ATPAF1: variants seen among roughly 807,000 people sequenced by gnomAD.
ATPAF1 encodes homolog of yeast ATP11.
In ATPAF1, 26 loss-of-function variants were observed where a neutral mutation model predicts 43.9. That is an observed-to-expected ratio of 0.59 (90% CI 0.43 to 0.82). ATPAF1 has a LOEUF of 0.82. Ranked by LOEUF, ATPAF1 falls within the 40% of genes least tolerant of loss-of-function variation. The probability of loss-of-function intolerance (pLI) is 0.00; values close to 1 mark genes in which losing one functional copy is unlikely to be tolerated. For missense variants in ATPAF1, 366 were observed against 435.0 expected (o/e 0.84, Z 1.41); for synonymous variants, 157 against 168.0 (o/e 0.93, Z 0.50).
intron 2 of ATPAF1, among the ~76,000 whole-genome samples, chr1:46,661,844 T>C (rs992963884): frequency 1.3e-5 from 2 of 152,106 alleles, no homozygotes; most frequent in African/African-American, 4.8e-5. Flanking sequence ...GCTGCCACAA[T>C]TTAAATTAAA....
intron 6 of ATPAF1, among the ~76,000 whole-genome samples, chr1:46,651,736 G>A (rs970955675): frequency 6.6e-5 from 10 of 152,046 alleles, no homozygotes; most frequent in African/African-American, 1.2e-4. Flanking sequence ...CCATCAGAGT[G>A]AACAGGCAAC....
At position 46,659,967 on chromosome 1, in the gene ATPAF1, TTTTC is replaced by T. The variant is rs536041404; in HGVS notation, c.376-1234_376-1231del. On this transcript the variant is annotated intron_variant, in intron 2 of 8. Coordinates refer to ENST00000574428, the Ensembl canonical transcript of ATPAF1. ...ACCATCTAAAAAGGAGTTAATTTCATTTTCTTTCTTTCTTTTTTTTTTTTTTTGA... is the reference window on the plus strand; with the variant it reads ...ACCATCTAAAAAGGAGTTAATTTCATTTTCTTTCTTTTTTTTTTTTTTTGA... Among the ~76,000 whole-genome samples the T allele has an allele frequency of 8.3e-3, 1,238 of 149,794 alleles. 10 individuals are homozygous for T. Among genetic ancestry groups the T allele is most frequent in the Non-Finnish European group, 9.7e-3 (655 of 67,408 alleles).
chr1:46,665,689 C>G lies in ATPAF1; in HGVS notation c.267-325G>C, dbSNP rs1037069774. ...TTTTGAGGTCATCTTGCTGGATCAC[C>G]TCTTCAGACAAGAATCCTATAGCCT... On this transcript the variant is annotated intron_variant, in intron 1 of 8. Transcript: ENST00000574428. The G allele has an allele frequency of 8.5e-6, 13 of 1,535,326 alleles. No homozygotes were observed. The African/African-American group carries it at 1.5e-4, about 18-fold the overall frequency.
chr1:46,652,761 C>G lies in ATPAF1; in HGVS notation c.541-133G>C, dbSNP rs2148821206. On this transcript the variant is annotated intron_variant, in intron 5 of 8. Coordinates refer to ENST00000574428, the Ensembl canonical transcript of ATPAF1. ...ACAGTCATTTAAGTTTCATCATTTT[C>G]AAATCACTCTTATGACAGAAAGACA... is the stretch of plus-strand genomic sequence containing the variant. The G allele has an allele frequency of 6.4e-6, 5 of 778,604 alleles. No individual in the cohort carries two copies. In the South Asian group the frequency reaches 9.0e-5, roughly 14 times the overall value. 48.2% of individuals were successfully genotyped at this position (778,604 alleles called of 1,614,324 possible).
intron 1 of ATPAF1, 33 bp from the exon 2 acceptor site, chr1:46,665,397 T>G: frequency 6.3e-7 from 1 of 1,591,072 alleles, no homozygotes; most frequent in Non-Finnish European, 8.6e-7. Flanking sequence ...GTAAACCAAC[T>G]GGGCCTTTTT....
At chr1:46,639,918 A>G (rs1335883204) in intron 8 of ATPAF1, among the ~76,000 whole-genome samples, 1 of 152,240 alleles carries the variant, frequency 6.6e-6, no homozygotes, top group African/African-American at 2.4e-5. Context: ...AAAAATGGCA[A>G]ACAGCAGAAT....
chr1:46,668,470 A>AGGCGG, upstream of ATPAF1: 6 of 730,168 alleles, frequency 8.2e-6, no homozygotes, highest in South Asian at 6.4e-5. The surrounding 1 kb of genome is among the most constrained non-coding windows in gnomAD (Gnocchi z 4.4). Context: ...GATAGCGGCG[A>AGGCGG]GGCGGGGCGG....
At chr1:46,636,078 A>C in intron 8 of ATPAF1, 108 bp from the exon 9 acceptor site, 1 of 1,283,538 alleles carries the variant, frequency 7.8e-7, no homozygotes, top group Non-Finnish European at 1.1e-6. Flanking sequence ...CCACTTCCAG[A>C]AAGTTTCCTT....
chr1:46,658,798 G>T, intron 2 of ATPAF1, 61 bp from the exon 3 acceptor site: 1 of 1,202,134 alleles, frequency 8.3e-7, no homozygotes. Flanking sequence ...AGGTAACTAA[G>T]CTAGGTGAAG....
At chr1:46,645,738 G>A (rs1676031727) in intron 6 of ATPAF1, among the ~76,000 whole-genome samples, 1 of 152,204 alleles carries the variant, frequency 6.6e-6, no homozygotes, top group Non-Finnish European at 1.5e-5. Context: ...ACCTAAGAAA[G>A]CATCAGAAAT....
intron 2 of ATPAF1, chr1:46,664,811 C>T (rs773667753): frequency 9.2e-5 from 15 of 162,214 alleles, no homozygotes; most frequent in South Asian, 1.8e-4. Context: ...GAAGACCATA[C>T]GGCCCACAAT....
chr1:46,645,199 C>T, exon 7 of ATPAF1: 1 of 1,614,050 alleles, frequency 6.2e-7, no homozygotes, highest in Non-Finnish European at 8.5e-7. Flanking sequence ...AGTTCAGTAC[C>T]TGTCCATTGT....
At chr1:46,659,831 T>C (rs780311695) in intron 2 of ATPAF1, among the ~76,000 whole-genome samples, 11 of 152,234 alleles carry the variant, frequency 7.2e-5, no homozygotes, top group African/African-American at 1.4e-4. Flanking sequence ...ATGATGGTCA[T>C]AGAACCTGTA....
At chr1:46,659,781 T>C (rs1005431360) in intron 2 of ATPAF1, among the ~76,000 whole-genome samples, 1 of 152,136 alleles carries the variant, frequency 6.6e-6, no homozygotes, top group African/African-American at 2.4e-5. Flanking sequence ...AACCTTGCCT[T>C]TAGTCACTTT....
At chr1:46,661,980 C>T (rs960841125) in intron 2 of ATPAF1, among the ~76,000 whole-genome samples, 1 of 151,764 alleles carries the variant, frequency 6.6e-6, no homozygotes, top group Non-Finnish European at 1.5e-5. Flanking sequence ...CTGCAGGCTC[C>T]GCCTCCTGGC....
rs1168897656 is a variant in ATPAF1 at position 46,668,030 on chromosome 1, C to T, written c.266+27G>A. The T allele has an allele frequency of 4.5e-6, 6 of 1,337,604 alleles. No individual in the cohort carries two copies. Among genetic ancestry groups the T allele is most frequent in the African/African-American group, 1.5e-5 (1 of 64,848 alleles). 82.9% of individuals were successfully genotyped at this position (1,337,604 alleles called of 1,614,324 possible). On this transcript the variant is annotated intron_variant, in intron 1 of 8. Coordinates refer to ENST00000574428, the Ensembl canonical transcript of ATPAF1. This position sits in a 1 kb window ranked among gnomAD's most constrained non-coding sequence, Gnocchi z 4.4. Reference sequence around the variant, plus strand: ...GGCCGCCCCTCCTCCCGCCTCCTGCCCGCCTCCAGCCAACCCAGGCCCGCA... The same window carrying T: ...GGCCGCCCCTCCTCCCGCCTCCTGCTCGCCTCCAGCCAACCCAGGCCCGCA...
Position 46,653,832 on chromosome 1 carries a change from G to C in ATPAF1, c.525C>G (p.Val175=). Reference sequence around the variant, plus strand: ...AACTACTTACAGGAATAACTGCGTAGACTGTATCTTTTGCTGCAAAATATT... The same window carrying C: ...AACTACTTACAGGAATAACTGCGTACACTGTATCTTTTGCTGCAAAATATT... Residue 175 remains valine, a synonymous_variant, in exon 5 of 9, where the codon GTC becomes GTG. Coordinates refer to ENST00000574428, the Ensembl canonical transcript of ATPAF1. This position sits in a 1 kb window ranked among gnomAD's most constrained non-coding sequence, Gnocchi z 4.8. 2 of 1,611,144 alleles carry C rather than the reference G, an allele frequency of 1.2e-6. No individual in the cohort carries two copies. The highest frequency in any genetic ancestry group is 3.3e-4 in the Middle Eastern group (2 of 6,056).
rs1210842740 is a variant in ATPAF1, at chr1:46,660,850, A to G, written c.376-2113T>C. Reference sequence around the variant, plus strand: ...ATGGGTGAGTTCTACATAATAAAAAAAATTTCCCTCATCCTGTACAACTTT... The same window carrying G: ...ATGGGTGAGTTCTACATAATAAAAAGAATTTCCCTCATCCTGTACAACTTT... On this transcript the variant is annotated intron_variant, in intron 2 of 8. Coordinates refer to ENST00000574428, the Ensembl canonical transcript of ATPAF1. Among the ~76,000 whole-genome samples the G allele has an allele frequency of 2.0e-5, 3 of 152,120 alleles. No individual in the cohort carries two copies. The East Asian group carries it at 5.8e-4, about 29-fold the overall frequency.
rs574787040 is a variant in ATPAF1 at position 46,653,433 on chromosome 1, G to A, written c.540+384C>T. 3.3e-5 allele frequency among the ~76,000 whole-genome samples: 5 copies of A among 152,274 alleles called. No homozygotes were observed. The East Asian group carries it at 9.6e-4, about 29-fold the overall frequency. ...TAGGAAGAGGCTCCAAGTCAGCTCA[G>A]GTATAGGTCACTTACAGGCAAGAAG... On this transcript the variant is annotated intron_variant, in intron 5 of 8. Coordinates refer to ENST00000574428, the Ensembl canonical transcript of ATPAF1. This position sits in a 1 kb window ranked among gnomAD's most constrained non-coding sequence, Gnocchi z 4.8.
Sources: gnomAD v4.1 joint callset for allele counts (sites outside exome capture counted in the v4.1 genomes callset) on GRCh38, gnomAD v4.1.1 for gene constraint, Gnocchi (gnomAD v3.1) non-coding constraint, MANE v1.5 for transcripts, NCBI Gene and HGNC (gene_info 2026-07-23, HGNC 2026-07-21) for gene names.